MAP2K4: variants seen among roughly 807,000 people sequenced by gnomAD.
MAP2K4 encodes the protein mitogen-activated protein kinase kinase 4, also known as dual specificity mitogen-activated protein kinase kinase 4.
MAP2K4 carries 4 observed loss-of-function variants against 48.5 expected under a neutral mutation model. The observed-to-expected ratio is 0.08, with a 90% CI of 0.04 to 0.19. MAP2K4 has a LOEUF of 0.19. Among genes scored for constraint, MAP2K4 ranks in the 10% least tolerant of loss-of-function variants. The probability of loss-of-function intolerance (pLI) is 1.00; values close to 1 mark genes in which losing one functional copy is unlikely to be tolerated. For synonymous variants in MAP2K4, 166 were observed against 173.1 expected (o/e 0.96, Z 0.32); for missense variants, 258 against 493.3 (o/e 0.52, Z 4.52).
intron 1 of MAP2K4, among the ~76,000 whole-genome samples, chr17:12,026,335 T>C (rs1969250470): frequency 6.6e-6 from 1 of 152,180 alleles, no homozygotes; most frequent in African/African-American, 2.4e-5. Context: ...TCCTTATTTT[T>C]AGGGGTCTGG....
intron 1 of MAP2K4, among the ~76,000 whole-genome samples, chr17:12,045,769 T>C (rs1969941468): frequency 6.6e-6 from 1 of 152,200 alleles, no homozygotes; most frequent in African/African-American, 2.4e-5. Context: ...GAGACCACTG[T>C]TGACTGTTGT....
intron 6 of MAP2K4, 146 bp from the exon 7 acceptor site, chr17:12,113,087 G>A (rs1972361160): frequency 7.1e-6 from 4 of 560,088 alleles, no homozygotes; most frequent in Non-Finnish European, 9.4e-6. Context: ...TGTGATAAAT[G>A]AAGATGTTTT....
chr17:12,140,824 C>G (rs1261487393), intron 10 of MAP2K4, among the ~76,000 whole-genome samples: 2 of 152,102 alleles, frequency 1.3e-5, no homozygotes, highest in African/African-American at 2.4e-5. Context: ...GGTGGAGGCT[C>G]CAGCTATGTT....
At chr17:12,122,275 G>A (rs1300589510) in intron 7 of MAP2K4, among the ~76,000 whole-genome samples, 2 of 152,184 alleles carry the variant, frequency 1.3e-5, no homozygotes, top group African/African-American at 4.8e-5. Flanking sequence ...TACGGATTCA[G>A]TAATGTGACC....
chr17:12,057,239 A>T (rs1437635279), intron 2 of MAP2K4, among the ~76,000 whole-genome samples: 2 of 152,194 alleles, frequency 1.3e-5, no homozygotes, highest in East Asian at 3.8e-4. Flanking sequence ...ACAAGGGGTA[A>T]ATCATTTTAG....
chr17:12,100,481 A>G (rs1336584334), intron 4 of MAP2K4, among the ~76,000 whole-genome samples: 5 of 151,820 alleles, frequency 3.3e-5, no homozygotes, highest in African/African-American at 9.7e-5. Flanking sequence ...GGCCATTTGG[A>G]TTGTTTTCAG....
rs949034834 is a variant in MAP2K4 at position 12,095,555 on chromosome 17, C to G, written c.394-20C>G. On this transcript the variant is annotated intron_variant, in intron 3 of 10. Coordinates refer to ENST00000353533, the MANE Select transcript of MAP2K4 (RefSeq NM_003010.4). Reference sequence around the variant, plus strand: ...CAAAATTATTGTGTTTTTTTGACATCTTTTGTCATTCTTTTCCAGAGAATT... The same window carrying G: ...CAAAATTATTGTGTTTTTTTGACATGTTTTGTCATTCTTTTCCAGAGAATT... The G allele has an allele frequency of 3.1e-6, 5 of 1,612,780 alleles. No homozygotes were observed. In the East Asian group the frequency reaches 8.9e-5, roughly 29 times the overall value.
At chr17:12,129,418 G>A in intron 9 of MAP2K4, 131 bp downstream of exon 9, 2 of 1,026,962 alleles carry the variant, frequency 1.9e-6, no homozygotes, top group South Asian at 1.5e-5. Flanking sequence ...TTCAAGCTGG[G>A]ACTCTGGATC....
chr17:12,067,983 TGTA>T (rs1970670042), intron 2 of MAP2K4, among the ~76,000 whole-genome samples: 2 of 151,946 alleles, frequency 1.3e-5, no homozygotes, highest in Non-Finnish European at 2.9e-5. Flanking sequence ...GTGGTGAAAA[TGTA>T]GTCAATGAAG....
chr17:12,031,987 T>G (rs1969453267), intron 1 of MAP2K4, among the ~76,000 whole-genome samples: 1 of 152,134 alleles, frequency 6.6e-6, no homozygotes, highest in Non-Finnish European at 1.5e-5. Context: ...TCTAAGGGCT[T>G]GTAGTTCTTT....
At chr17:12,064,690 C>G (rs375814854) in intron 2 of MAP2K4, among the ~76,000 whole-genome samples, 12 of 152,256 alleles carry the variant, frequency 7.9e-5, no homozygotes, top group African/African-American at 2.9e-4. Context: ...AGCACCTGCC[C>G]CTGACCCAGC....
At chr17:12,042,167 CAAAAAAAAAA>C (rs71142262) in intron 1 of MAP2K4, among the ~76,000 whole-genome samples, 2 of 55,384 alleles carry the variant, frequency 3.6e-5, no homozygotes, top group South Asian at 1.2e-3. Context: ...AACTTTGTCT[CAAAAAAAAAA>C]AAAAAAAAAA....
At chr17:12,112,585 C>A (rs1403419088) in intron 6 of MAP2K4, among the ~76,000 whole-genome samples, 1 of 151,424 alleles carries the variant, frequency 6.6e-6, no homozygotes, top group Non-Finnish European at 1.5e-5. Flanking sequence ...TTCTGAGTTA[C>A]ATTTAGATGT....
At chr17:12,047,063 C>A (rs137996907) in intron 1 of MAP2K4, among the ~76,000 whole-genome samples, 1 of 152,140 alleles carries the variant, frequency 6.6e-6, no homozygotes, top group African/African-American at 2.4e-5. Flanking sequence ...AGAGGAGTGA[C>A]ACAATCCTTG....
At chr17:12,085,150 GT>G (rs1436936897) in intron 3 of MAP2K4, among the ~76,000 whole-genome samples, 1 of 152,068 alleles carries the variant, frequency 6.6e-6, no homozygotes, top group Non-Finnish European at 1.5e-5. Context: ...CCCTTTTCAT[GT>G]TTGTAGAATA....
intron 7 of MAP2K4, chr17:12,124,434 A>G (rs772023855): frequency 6.6e-6 from 1 of 152,218 alleles, no homozygotes; most frequent in African/African-American, 2.4e-5. Context: ...TAATTTGGCT[A>G]CAAATGACTA....
intron 3 of MAP2K4, among the ~76,000 whole-genome samples, chr17:12,092,433 C>CA (rs1971591773): frequency 6.6e-6 from 1 of 152,176 alleles, no homozygotes; most frequent in Non-Finnish European, 1.5e-5. Context: ...ATCCTGGACT[C>CA]ACTTGATTCA....
intron 1 of MAP2K4, among the ~76,000 whole-genome samples, chr17:12,022,869 AC>A (rs1175709661): frequency 6.6e-6 from 1 of 152,194 alleles, no homozygotes; most frequent in Admixed American, 6.5e-5. Flanking sequence ...TGGAAAGCTA[AC>A]CCTCTTTTAC....
rs941462897 is a variant in MAP2K4 at position 12,081,213 on chromosome 17, A to G, written c.219-143A>G. The G allele has an allele frequency of 1.7e-6, 1 of 576,888 alleles. No individual in the cohort carries two copies. Among genetic ancestry groups the G allele is most frequent in the Non-Finnish European group, 3.0e-6 (1 of 336,390 alleles). The allele number at this position is 576,888 out of a possible 1,614,324, so 35.7% of individuals were successfully genotyped here. Reference sequence around the variant, plus strand: ...CCAGTGTGTAAAAAACCAGGATGACACAAATGAAAAACTTCAAAAACCTGG... The same window carrying G: ...CCAGTGTGTAAAAAACCAGGATGACGCAAATGAAAAACTTCAAAAACCTGG... On this transcript the variant is annotated intron_variant, in intron 2 of 10. Transcript: ENST00000353533. This position sits in a 1 kb window ranked among gnomAD's most constrained non-coding sequence, Gnocchi z 4.2.
Sources: allele counts gnomAD v4.1 joint callset (sites outside exome capture counted in the v4.1 genomes callset), GRCh38; gene constraint gnomAD v4.1.1; non-coding constraint Gnocchi (gnomAD v3.1); transcripts MANE v1.5; gene names NCBI Gene and HGNC (gene_info 2026-07-23, HGNC 2026-07-21).